The following ALK variants were observed in gnomAD, a reference collection of about 807,000 sequenced individuals.
ALK encodes ALK receptor tyrosine kinase.
Under a neutral mutation model 163.1 loss-of-function variants are expected in ALK, and 74 were observed. That is an observed-to-expected ratio of 0.45 (90% CI 0.38 to 0.55). The LOEUF (loss-of-function observed/expected upper bound fraction) is 0.55. ALK is among the 20% of genes least tolerant of loss of function. The probability of loss-of-function intolerance (pLI) is 0.00; values close to 1 mark genes in which losing one functional copy is unlikely to be tolerated. For missense variants in ALK, 2,063 were observed against 2,105.3 expected (o/e 0.98, Z 0.39); for synonymous variants, 960 against 843.2 (o/e 1.14, Z -2.40).
intron 1 of ALK, among the ~76,000 whole-genome samples, chr2:29,845,801 A>C (rs551586999): frequency 6.6e-6 from 1 of 152,306 alleles, no homozygotes; most frequent in African/African-American, 2.4e-5. Flanking sequence ...GACTCCCAGA[A>C]ACCTTTGGTT....
intron 4 of ALK, among the ~76,000 whole-genome samples, chr2:29,513,593 G>A (rs1672581128): frequency 6.6e-6 from 1 of 151,924 alleles, no homozygotes; most frequent in Non-Finnish European, 1.5e-5. Flanking sequence ...GCACGGGCAA[G>A]GACTTCATGT....
At chr2:29,553,036 C>A (rs1673756541) in intron 3 of ALK, among the ~76,000 whole-genome samples, 1 of 152,188 alleles carries the variant, frequency 6.6e-6, no homozygotes, top group South Asian at 2.1e-4. Context: ...CAGCGAAATT[C>A]TAATCATCCT....
intron 3 of ALK, among the ~76,000 whole-genome samples, chr2:29,660,847 T>C (rs966264357): frequency 6.6e-6 from 1 of 152,096 alleles, no homozygotes; most frequent in African/African-American, 2.4e-5. Flanking sequence ...CTGAATGTGA[T>C]TAAACGACCC....
intron 1 of ALK, among the ~76,000 whole-genome samples, chr2:29,736,457 A>T (rs991103204): frequency 6.6e-6 from 1 of 151,990 alleles, no homozygotes; most frequent in Non-Finnish European, 1.5e-5. Flanking sequence ...TTTCATTTTG[A>T]CAGTGTATTT....
chr2:29,231,335 CAAAAACA>C (rs1367222584), intron 15 of ALK, among the ~76,000 whole-genome samples: 3 of 152,016 alleles, frequency 2.0e-5, no homozygotes, highest in Non-Finnish European at 2.9e-5. Context: ...GACTCCGTCT[CAAAAACA>C]AAAAACAAAA....
At chr2:29,231,131 A>G (rs1664192846) in intron 15 of ALK, among the ~76,000 whole-genome samples, 1 of 152,202 alleles carries the variant, frequency 6.6e-6, no homozygotes. Context: ...TGAGGTCAGG[A>G]GATTGAGACC....
chr2:29,241,668 A>T (rs541180206), intron 12 of ALK, among the ~76,000 whole-genome samples: 1 of 152,132 alleles, frequency 6.6e-6, no homozygotes, highest in South Asian at 2.1e-4. Flanking sequence ...TGGCTGCAGC[A>T]GGTGGATGGA....
intron 24 of ALK, 115 bp from the exon 25 acceptor site, chr2:29,209,993 A>ATAT: frequency 1.2e-6 from 1 of 823,954 alleles, no homozygotes; most frequent in Non-Finnish European, 2.0e-6. Flanking sequence ...TCCCTTCCCT[A>ATAT]TATTTCCTTT....
intron 12 of ALK, among the ~76,000 whole-genome samples, chr2:29,247,740 CT>C (rs966527335): frequency 1.3e-5 from 2 of 152,118 alleles, no homozygotes; most frequent in African/African-American, 4.8e-5. Context: ...GCTCCCTTCC[CT>C]TCACCTCCCC....
chr2:29,618,130 T>A (rs1202783745), intron 3 of ALK, among the ~76,000 whole-genome samples: 1 of 152,208 alleles, frequency 6.6e-6, no homozygotes, highest in East Asian at 1.9e-4. Flanking sequence ...CTGACCAACA[T>A]TCACTCCAGT....
At chr2:29,216,335 GGCCCT>G (rs749155625) in intron 23 of ALK, among the ~76,000 whole-genome samples, 158 of 152,180 alleles carry the variant, frequency 1.0e-3, no homozygotes, top group Non-Finnish European at 2.0e-3. Flanking sequence ...AGGAGGCCCT[GGCCCT>G]AGCTGTGCTA....
chr2:29,768,210 A>G (rs17008653), intron 1 of ALK, among the ~76,000 whole-genome samples: 4,374 of 152,278 alleles, frequency 0.029, 76 homozygotes, highest in South Asian at 0.068. Flanking sequence ...GGGACAATAA[A>G]CAGATTTAGC....
At chr2:29,396,836 G>GTTTTTTTTTTTGT (rs1669319360) in intron 4 of ALK, among the ~76,000 whole-genome samples, 1 of 46,604 alleles carries the variant, frequency 2.1e-5, no homozygotes, top group African/African-American at 9.3e-5. Flanking sequence ...TGTTACTATG[G>GTTTTTTTTTTTGT]TTTTTTTTTT....
rs573416650 is a variant in ALK, at chr2:29,332,168, C to G, written c.1283-3687G>C. On this transcript the variant is annotated intron_variant, in intron 5 of 28. Coordinates refer to ENST00000389048, the MANE Select transcript of ALK (RefSeq NM_004304.5). ...GGGTGTGATGGCACGTGCCTGTAGT[C>G]CCAGCTACTTTGGAGACTGAGGCAG... Among the ~76,000 whole-genome samples the G allele has an allele frequency of 2.6e-5, 4 of 151,562 alleles. No homozygotes were observed. In the East Asian group the frequency reaches 5.8e-4, roughly 22 times the overall value.
At chr2:29,339,477 C>G (rs1381592809) in intron 5 of ALK, among the ~76,000 whole-genome samples, 1 of 152,100 alleles carries the variant, frequency 6.6e-6, no homozygotes, top group Admixed American at 6.5e-5. Context: ...CAAGGCCCAA[C>G]CAGGCAGGAC....
chr2:29,299,744 C>T (rs1413106033), intron 8 of ALK, among the ~76,000 whole-genome samples: 1 of 152,218 alleles, frequency 6.6e-6, no homozygotes, highest in Non-Finnish European at 1.5e-5. Context: ...ACCCTTCACT[C>T]ATACTTTGCA....
At chr2:29,532,866 G>A (rs1673157168) in intron 3 of ALK, among the ~76,000 whole-genome samples, 1 of 152,232 alleles carries the variant, frequency 6.6e-6, no homozygotes, top group Admixed American at 6.5e-5. Context: ...TCCTTTTGCA[G>A]TAGAAATCTG....
At chr2:29,681,745 G>T (rs1385694403) in intron 3 of ALK, among the ~76,000 whole-genome samples, 1 of 143,440 alleles carries the variant, frequency 7.0e-6, no homozygotes, top group African/African-American at 2.5e-5. Flanking sequence ...CAACCCCCCT[G>T]GGCATGTACA....
At chr2:29,823,852 G>A (rs551808375) in intron 1 of ALK, among the ~76,000 whole-genome samples, 1 of 152,338 alleles carries the variant, frequency 6.6e-6, no homozygotes, top group South Asian at 2.1e-4. Context: ...CAAGCCAGCT[G>A]TAGAAATTTG....
Sources: allele counts gnomAD v4.1 joint callset (sites outside exome capture counted in the v4.1 genomes callset), GRCh38; gene constraint gnomAD v4.1.1; transcripts MANE v1.5; gene names NCBI Gene and HGNC (gene_info 2026-07-23, HGNC 2026-07-21).